The following DNMBP variants were observed in gnomAD, a reference collection of about 807,000 sequenced individuals.
DNMBP encodes dynamin-binding protein.
A neutral mutation model predicts 150.0 loss-of-function variants in DNMBP; 87 were observed. The observed-to-expected ratio is 0.58, with a 90% CI of 0.49 to 0.69. DNMBP has a LOEUF of 0.69. DNMBP is among the 30% of genes least tolerant of loss of function. DNMBP has a pLI of 0.00. For synonymous variants in DNMBP, 711 were observed against 750.4 expected (o/e 0.95, Z 0.86); for missense variants, 1,774 against 1,949.0 (o/e 0.91, Z 1.69).
chr10:99,988,817 A>G (rs772351880), intron 1 of DNMBP, among the ~76,000 whole-genome samples: 5 of 152,136 alleles, frequency 3.3e-5, no homozygotes, highest in African/African-American at 4.8e-5. Flanking sequence ...ATGAACCACC[A>G]TACCCGGCTA....
intron 4 of DNMBP, among the ~76,000 whole-genome samples, chr10:99,927,479 A>G (rs933310241): frequency 6.6e-6 from 1 of 152,284 alleles, no homozygotes; most frequent in South Asian, 2.1e-4. Context: ...AGGTTAAGTA[A>G]TTTTTGTCAA....
At chr10:99,998,311 C>T (rs2133385256) in intron 1 of DNMBP, among the ~76,000 whole-genome samples, 1 of 151,632 alleles carries the variant, frequency 6.6e-6, no homozygotes, top group East Asian at 1.9e-4. Flanking sequence ...GGCGCAGTGG[C>T]TCACGCCTGT....
Position 99,907,312 on chromosome 10 carries a change from T to C in DNMBP, c.2554+683A>G, listed in dbSNP as rs78987253. ...CACTGCACTCCAACCTGGGCGACAG[T>C]GTAAAAATCCTGTGTCAAAAAAAAA... On this transcript the variant is annotated intron_variant, in intron 6 of 16. Transcript: ENST00000324109. Among the ~76,000 whole-genome samples the C allele has an allele frequency of 4.4e-3, 658 of 151,176 alleles. 7 individuals carry two copies. Among genetic ancestry groups the C allele is most frequent in the African/African-American group, 0.015 (619 of 41,258 alleles).
At chr10:99,894,073 G>A (rs1340035099) in intron 11 of DNMBP, among the ~76,000 whole-genome samples, 1 of 152,074 alleles carries the variant, frequency 6.6e-6, no homozygotes, top group Non-Finnish European at 1.5e-5. Flanking sequence ...CACTTCGGGA[G>A]GCCAGTTTAA....
chr10:99,973,547 C>G (rs2040699381), intron 1 of DNMBP, among the ~76,000 whole-genome samples: 2 of 152,082 alleles, frequency 1.3e-5, no homozygotes, highest in African/African-American at 2.4e-5. Flanking sequence ...ATTATTTGTC[C>G]AAGATCACAG....
Position 99,907,867 on chromosome 10 carries a change from C to T in DNMBP, c.2554+128G>A, listed in dbSNP as rs12265716. The T allele has an allele frequency of 1.5e-3, 962 of 653,442 alleles. 7 individuals carry two copies. The highest frequency in any genetic ancestry group is 0.015 in the African/African-American group (805 of 54,824). 40.5% of individuals were successfully genotyped at this position (653,442 alleles called of 1,614,324 possible). A position where few individuals can be genotyped will look rare whatever the true frequency, so the allele number is the denominator to read the frequency against. On this transcript the variant is annotated intron_variant, in intron 6 of 16. Transcript: ENST00000324109. ...CAGAAGGAAAGCAGAGGACAAGTAA[C>T]CTCTGGACTAAGTACCTACACCTGT... is the stretch of plus-strand genomic sequence containing the variant.
intron 4 of DNMBP, chr10:99,930,408 G>A: frequency 2.8e-6 from 2 of 702,924 alleles, no homozygotes; most frequent in Non-Finnish European, 5.2e-6. Flanking sequence ...TCTCGTAGGT[G>A]AATTATCCTT....
At chr10:99,891,791 T>C (rs1377697095) in intron 11 of DNMBP, among the ~76,000 whole-genome samples, 1 of 143,144 alleles carries the variant, frequency 7.0e-6, no homozygotes, top group Non-Finnish European at 1.5e-5. Context: ...CGGCCGCCCA[T>C]CGTCTGAGAC....
At position 99,957,089 on chromosome 10, in the gene DNMBP, G is replaced by T; in HGVS notation, c.385C>A (p.Gln129Lys). Reference protein sequence around the residue: ...SCVRELCLSSQSRQWHSQSAL... With the variant: ...SCVRELCLSSKSRQWHSQSAL... ...CTCTGGGAGTGCCACTGCCGGCTCT[G>T]TGAGGAGAGGCAGAGCTCGCGGACA... Residue 129 changes from glutamine to lysine, a missense_variant, in exon 4 of 17, where the codon CAG (glutamine) becomes AAG (lysine). Physicochemically the swap from Gln to Lys is moderately conservative, Grantham distance 53. Around this residue, in one of 2 missense-constraint regions of DNMBP, gnomAD observed 344 missense variants for 456.6 expected, o/e 0.75. Coordinates refer to ENST00000324109, the MANE Select transcript of DNMBP (RefSeq NM_015221.4). The T allele has an allele frequency of 6.2e-7, 1 of 1,614,142 alleles. No homozygotes were observed. The highest frequency in any genetic ancestry group is 1.1e-5 in the South Asian group (1 of 91,088).
At chr10:99,948,944 C>T (rs1564742370) in intron 4 of DNMBP, among the ~76,000 whole-genome samples, 2 of 150,244 alleles carry the variant, frequency 1.3e-5, no homozygotes, top group East Asian at 3.9e-4. Context: ...GTCTGGGCAA[C>T]AAGAGTGAGA....
At position 99,955,679 on chromosome 10, in the gene DNMBP, G is replaced by C; in HGVS notation, c.1795C>G (p.Gln599Glu). 1.9e-6 allele frequency: 3 copies of C among 1,614,212 alleles called. No individual in the cohort carries two copies. Among genetic ancestry groups the C allele is most frequent in the Non-Finnish European group, 2.5e-6 (3 of 1,180,042 alleles). ...VRGSSKLITE[Q>E]ELPERRKALR... ...GCCTTTCTCCTTTCCGGCAGCTCCT[G>C]CTCGGTGATTAACTTTGAGGAACCT... The change falls in exon 4 of 17, where the codon CAG becomes GAG. Residue 599 changes from glutamine (Q) to glutamate (E), a missense_variant. Gln to Glu is a conservative substitution (Grantham distance 29, BLOSUM62 2). Transcript: ENST00000324109.
In DNMBP at chr10:99,968,321, G is replaced by A. The variant is rs747031822; in HGVS notation, c.268+794C>T. Reference sequence around the variant, plus strand: ...AATAAATGGTAATATTGTTAGCAAAGCCGTACCCAGTTATTTTTTTCTCCC... The same window carrying A: ...AATAAATGGTAATATTGTTAGCAAAACCGTACCCAGTTATTTTTTTCTCCC... On this transcript the variant is annotated intron_variant, in intron 3 of 16. Transcript: ENST00000324109. Among the ~76,000 whole-genome samples, 98 of 152,216 alleles carry A rather than the reference G, an allele frequency of 6.4e-4. 1 individual carries two copies. The highest frequency in any genetic ancestry group is 3.4e-3 in the Middle Eastern group (1 of 294).
Position 99,895,042 on chromosome 10 carries a change from A to C in DNMBP, c.3060T>G (p.Asp1020Glu). The C allele has an allele frequency of 6.3e-7, 1 of 1,597,454 alleles. No homozygotes were observed. The highest frequency in any genetic ancestry group is 8.6e-7 in the Non-Finnish European group (1 of 1,166,880). The change falls in exon 11 of 17, where the codon GAT (aspartate) becomes GAG (glutamate). Residue 1020 changes from aspartate to glutamate, a missense_variant. This residue lies in a region of DNMBP where 1,430 missense variants were observed against 1,492.5 expected (regional missense o/e 0.96). Coordinates refer to ENST00000324109, the MANE Select transcript of DNMBP (RefSeq NM_015221.4). The stretch of plus-strand genomic sequence containing the variant: ...TTTTTTCTGTTTCTTCAAATACTTC[A>C]TCTTTTATCTGTTCAAAAATAAACA... Reference protein sequence around the residue: ...HLTGFAPQIKDEVFEETEKNF... With the variant: ...HLTGFAPQIKEEVFEETEKNF...
intron 1 of DNMBP, among the ~76,000 whole-genome samples, chr10:99,973,784 C>T (rs912774667): frequency 2.0e-5 from 3 of 152,180 alleles, no homozygotes; most frequent in African/African-American, 7.2e-5. Context: ...GTTTTGAGGC[C>T]AGCCTGGGCA....
chr10:99,914,066 AG>A, intron 4 of DNMBP: 1 of 1,444,228 alleles, frequency 6.9e-7, no homozygotes. Context: ...TCCTTTGAAT[AG>A]GGTCGGCATT....
At chr10:99,883,677 G>C (rs1236951741) in intron 15 of DNMBP, among the ~76,000 whole-genome samples, 2 of 123,812 alleles carry the variant, frequency 1.6e-5, no homozygotes, top group Admixed American at 1.7e-4. Context: ...AATTTGAAAA[G>C]AGGGCAGCTT....
chr10:99,975,409 T>C (rs1564751702), intron 1 of DNMBP, among the ~76,000 whole-genome samples: 1 of 152,068 alleles, frequency 6.6e-6, no homozygotes, highest in Non-Finnish European at 1.5e-5. Flanking sequence ...GATAAACATA[T>C]TAGGCATATA....
At chr10:99,924,679 A>G (rs573897599) in intron 4 of DNMBP, among the ~76,000 whole-genome samples, 1 of 152,336 alleles carries the variant, frequency 6.6e-6, no homozygotes, top group South Asian at 2.1e-4. Flanking sequence ...GTGGACTGCA[A>G]TTAAAGGAGA....
chr10:99,898,556 G>A (rs1329281515), intron 8 of DNMBP, among the ~76,000 whole-genome samples, 187 bp downstream of exon 8: 3 of 152,272 alleles, frequency 2.0e-5, no homozygotes, highest in South Asian at 2.1e-4. Flanking sequence ...GTCCTGGTAG[G>A]AGAAGATAGG....
Sources: gnomAD v4.1 joint callset for allele counts (sites outside exome capture counted in the v4.1 genomes callset) on GRCh38, gnomAD v4.1.1 for gene constraint, gnomAD v4.1.1 regional missense constraint, MANE v1.5 for transcripts, NCBI Gene and HGNC (gene_info 2026-07-23, HGNC 2026-07-21) for gene names.